ACER2: variants seen among roughly 807,000 people sequenced by gnomAD.
The protein encoded by ACER2 is alkaline ceramidase 2, also known as alkCDase 2.
In ACER2, 26 loss-of-function variants were observed where a neutral mutation model predicts 34.7. The ratio of observed to expected loss-of-function variants is 0.75; its 90% CI spans 0.55 to 1.04. ACER2 has a LOEUF of 1.04. Ranked by LOEUF, ACER2 falls within the 50% of genes least tolerant of loss-of-function variation. The pLI is 0.00. For missense variants in ACER2, 352 were observed against 340.8 expected (o/e 1.03, Z -0.26); for synonymous variants, 138 against 132.1 (o/e 1.04, Z -0.31).
At chr9:19,410,066 G>A (rs1208345256) in intron 1 of ACER2, among the ~76,000 whole-genome samples, 8 of 152,206 alleles carry the variant, frequency 5.3e-5, no homozygotes, top group African/African-American at 1.9e-4. Flanking sequence ...CATTTCTGTG[G>A]CTTATCTTTT....
intron 1 of ACER2, among the ~76,000 whole-genome samples, chr9:19,416,448 G>C (rs1830242349): frequency 6.6e-6 from 1 of 152,182 alleles, no homozygotes; most frequent in South Asian, 2.1e-4. Context: ...TCTCTGACTT[G>C]AGCCAGCCCT....
At chr9:19,421,514 C>A (rs1026033913) in intron 1 of ACER2, among the ~76,000 whole-genome samples, 2 of 151,936 alleles carry the variant, frequency 1.3e-5, no homozygotes, top group Non-Finnish European at 2.9e-5. Flanking sequence ...TTGTATGATT[C>A]CATTTATGTT....
chr9:19,409,343 G>C, intron 1 of ACER2, 151 bp downstream of exon 1: 2 of 688,126 alleles, frequency 2.9e-6, no homozygotes, highest in South Asian at 1.9e-5. Flanking sequence ...TCCTCGGCGC[G>C]CTCCTTTCAG....
At chr9:19,411,816 A>C (rs2132451761) in intron 1 of ACER2, among the ~76,000 whole-genome samples, 1 of 152,338 alleles carries the variant, frequency 6.6e-6, no homozygotes, top group East Asian at 1.9e-4. Flanking sequence ...TAGGGGTAGC[A>C]CATCACTACT....
intron 4 of ACER2, among the ~76,000 whole-genome samples, chr9:19,437,450 C>A (rs948042818): frequency 6.6e-6 from 1 of 152,174 alleles, no homozygotes; most frequent in Non-Finnish European, 1.5e-5. Flanking sequence ...TCACCTCCTC[C>A]CATATCCATT....
intron 4 of ACER2, among the ~76,000 whole-genome samples, chr9:19,439,978 G>A (rs993271746): frequency 9.9e-5 from 15 of 150,934 alleles, no homozygotes; most frequent in African/African-American, 3.4e-4. Flanking sequence ...CCATCCCCCC[G>A]CCCCCAAAGA....
chr9:19,447,067 A>T (rs141668210), intron 5 of ACER2, among the ~76,000 whole-genome samples: 2 of 151,648 alleles, frequency 1.3e-5, no homozygotes, highest in East Asian at 3.9e-4. Context: ...GCAGAATCCG[A>T]TTCTGAGAAA....
At position 19,423,847 on chromosome 9, in the gene ACER2, A is replaced by T. The variant is rs757294818; in HGVS notation, c.109-15A>T. On this transcript the variant is annotated splice_polypyrimidine_tract_variant and intron_variant, in intron 1 of 5. Transcript: ENST00000340967. The stretch of plus-strand genomic sequence containing the variant: ...CTTAATACTCATCTTTCTGTTTTAC[A>T]TTTTTTTCCTGCAGATCAGCAATGT... The T allele has an allele frequency of 6.2e-7, 1 of 1,600,944 alleles. No individual in the cohort carries two copies. Among genetic ancestry groups the T allele is most frequent in the South Asian group, 1.1e-5 (1 of 90,772 alleles).
At chr9:19,412,064 T>G (rs927732725) in intron 1 of ACER2, among the ~76,000 whole-genome samples, 1 of 152,262 alleles carries the variant, frequency 6.6e-6, no homozygotes. Context: ...TAAGTGCCAC[T>G]GTAACTAACT....
intron 1 of ACER2, among the ~76,000 whole-genome samples, chr9:19,418,771 C>T (rs1830315917): frequency 6.6e-6 from 1 of 152,090 alleles, no homozygotes; most frequent in South Asian, 2.1e-4. Context: ...TGCAGTAAAC[C>T]ACCATGGCAC....
chr9:19,450,839 C>G lies in ACER2; in HGVS notation c.*203C>G, dbSNP rs929747989. ...ATATGGTACAAATATTCCCTGCCCC[C>G]CTGCAGTTTCCCATTTGTCTTTCAG... On this transcript the variant is annotated 3_prime_UTR_variant, in exon 6 of 6. Coordinates refer to ENST00000340967, the MANE Select transcript of ACER2 (RefSeq NM_001010887.3). The G allele has an allele frequency of 7.4e-6, 3 of 405,514 alleles. No individual in the cohort carries two copies. The highest frequency in any genetic ancestry group is 8.6e-5 in the Admixed American group (2 of 23,134). 25.1% of individuals were successfully genotyped at this position (405,514 alleles called of 1,614,324 possible).
chr9:19,435,347 A>G (rs982215966), intron 4 of ACER2, among the ~76,000 whole-genome samples: 2 of 152,196 alleles, frequency 1.3e-5, no homozygotes, highest in Non-Finnish European at 2.9e-5. Flanking sequence ...CAGTACCTAG[A>G]TCAAGCTGTC....
chr9:19,421,617 C>T (rs1220711355), intron 1 of ACER2, among the ~76,000 whole-genome samples: 1 of 152,008 alleles, frequency 6.6e-6, no homozygotes, highest in Non-Finnish European at 1.5e-5. Context: ...GGAGTGACTG[C>T]TTAATGAGAA....
intron 3 of ACER2, among the ~76,000 whole-genome samples, chr9:19,428,157 T>G (rs1401281094): frequency 6.6e-6 from 1 of 151,462 alleles, no homozygotes; most frequent in Non-Finnish European, 1.5e-5. Flanking sequence ...AATATTCTTT[T>G]TTGTTTCATT....
chr9:19,441,327 G>A (rs1391931409), intron 4 of ACER2, among the ~76,000 whole-genome samples: 4 of 152,066 alleles, frequency 2.6e-5, no homozygotes, highest in South Asian at 2.1e-4. Context: ...GAGATTACAG[G>A]CATGAGCCAC....
intron 1 of ACER2, among the ~76,000 whole-genome samples, chr9:19,418,914 C>G (rs10121186): frequency 0.16 from 23,531 of 149,616 alleles, 1,876 homozygotes; most frequent in South Asian, 0.25. Flanking sequence ...TGGCCGGGTG[C>G]GGTGGCCTGT....
intron 4 of ACER2, among the ~76,000 whole-genome samples, chr9:19,445,983 T>C (rs990587270): frequency 6.6e-6 from 1 of 151,974 alleles, no homozygotes; most frequent in Non-Finnish European, 1.5e-5. Context: ...GGGAGAAGAA[T>C]AGGTTATGGA....
chr9:19,426,528 A>G (rs746470706), intron 3 of ACER2, among the ~76,000 whole-genome samples: 5 of 151,990 alleles, frequency 3.3e-5, no homozygotes, highest in Non-Finnish European at 1.5e-5. Context: ...TTTCTCAGAT[A>G]TCTTATTTTT....
chr9:19,443,810 C>T (rs1831239996), intron 4 of ACER2, among the ~76,000 whole-genome samples: 1 of 152,136 alleles, frequency 6.6e-6, no homozygotes, highest in African/African-American at 2.4e-5. Flanking sequence ...GCATGTGCCA[C>T]CACCCCCGGC....
Sources: gnomAD v4.1 joint callset for allele counts (sites outside exome capture counted in the v4.1 genomes callset) on GRCh38, gnomAD v4.1.1 for gene constraint, MANE v1.5 for transcripts, NCBI Gene and HGNC (gene_info 2026-07-23, HGNC 2026-07-21) for gene names.